The following PLCB4 variants were observed in gnomAD, a reference collection of about 807,000 sequenced individuals.
The protein encoded by PLCB4 is phospholipase C beta 4.
A neutral mutation model predicts 178.8 loss-of-function variants in PLCB4; 77 were observed. The observed-to-expected ratio is 0.43, with a 90% CI of 0.36 to 0.52. The LOEUF (loss-of-function observed/expected upper bound fraction) is 0.52, where lower values mean the gene tolerates loss of function less well. PLCB4 is among the 20% of genes least tolerant of loss of function. The probability of loss-of-function intolerance (pLI) is 0.00; values close to 1 mark genes in which losing one functional copy is unlikely to be tolerated. For synonymous variants in PLCB4, 496 were observed against 490.8 expected, an observed-to-expected ratio of 1.01 and a Z score of -0.14; for missense variants, 1,024 against 1,453.4, an observed-to-expected ratio of 0.70 and a Z score of 4.80.
intron 19 of PLCB4, among the ~76,000 whole-genome samples, chr20:9,399,036 C>G (rs2038827399): frequency 6.6e-6 from 1 of 152,098 alleles, no homozygotes; most frequent in Non-Finnish European, 1.5e-5. Context: ...GAATGAAAGT[C>G]AAAGATGTGA....
intron 3 of PLCB4, among the ~76,000 whole-genome samples, chr20:9,230,057 C>T (rs1462858056): frequency 6.6e-6 from 1 of 152,100 alleles, no homozygotes; most frequent in African/African-American, 2.4e-5. Flanking sequence ...AAGGTGTTGG[C>T]AGGTATAGTT....
rs1003127437 is a variant in PLCB4, at chr20:9,111,317, C to T, written c.-79+14975C>T. Among the ~76,000 whole-genome samples, 5 of 152,010 alleles carry T rather than the reference C, an allele frequency of 3.3e-5. No homozygotes were observed. The East Asian group carries it at 5.8e-4, about 18-fold the overall frequency. ...TCTTATTTGGTTTTTGTTTGTTTTA[C>T]GAAATTGAGATCTCATGCTTTTGTA... On this transcript the variant is annotated intron_variant, in intron 2 of 39. Coordinates refer to ENST00000378473, the MANE Select transcript of PLCB4 (RefSeq NM_001377142.1).
rs186569213 is a variant in PLCB4 at position 9,367,017 on chromosome 20, A to T, written c.503+1503A>T. On this transcript the variant is annotated intron_variant, in intron 9 of 39. Coordinates refer to ENST00000378473, the MANE Select transcript of PLCB4 (RefSeq NM_001377142.1). ...AGTGGCATGTGCTGTGGCTCCTGGC[A>T]TTTCTGACTCTCCTTTGCCTCCTTC... 1.3e-4 allele frequency among the ~76,000 whole-genome samples: 20 copies of T among 152,298 alleles called. 1 individual carries two copies. The highest frequency in any genetic ancestry group is 1.2e-3 in the Admixed American group (18 of 15,294).
intron 4 of PLCB4, among the ~76,000 whole-genome samples, chr20:9,312,161 A>G (rs988591159): frequency 3.3e-5 from 5 of 152,006 alleles, no homozygotes; most frequent in African/African-American, 1.2e-4. Context: ...GCAGGGGTTC[A>G]AATGTTTTAT....
intron 2 of PLCB4, among the ~76,000 whole-genome samples, chr20:9,167,467 C>T (rs2092991827): frequency 6.6e-6 from 1 of 152,028 alleles, no homozygotes. Context: ...CAACCATATT[C>T]AGATGGGTAA....
intron 3 of PLCB4, among the ~76,000 whole-genome samples, chr20:9,236,453 T>C (rs1019663013): frequency 3.3e-5 from 5 of 152,212 alleles, no homozygotes; most frequent in Non-Finnish European, 7.3e-5. Context: ...TGTGTTTTTT[T>C]GCAAATACGA....
chr20:9,422,390 A>T (rs1252778394), intron 27 of PLCB4, among the ~76,000 whole-genome samples: 1 of 152,182 alleles, frequency 6.6e-6, no homozygotes, highest in East Asian at 1.9e-4. Context: ...TTCGCATCCC[A>T]TTGTCTTCTT....
intron 2 of PLCB4, among the ~76,000 whole-genome samples, chr20:9,124,126 C>T (rs554485480): frequency 3.9e-5 from 6 of 152,152 alleles, no homozygotes; most frequent in Admixed American, 2.0e-4. Context: ...TGGGCTTTTG[C>T]AAAAGCAGGT....
At chr20:9,450,759 G>A (rs551139465) in intron 32 of PLCB4, among the ~76,000 whole-genome samples, 5 of 142,990 alleles carry the variant, frequency 3.5e-5, no homozygotes, top group Non-Finnish European at 6.0e-5. Context: ...AGCAATTCTC[G>A]TCCCTCAGCC....
intron 4 of PLCB4, among the ~76,000 whole-genome samples, chr20:9,332,959 A>G (rs2031910715): frequency 6.6e-6 from 1 of 152,126 alleles, no homozygotes; most frequent in Non-Finnish European, 1.5e-5. Context: ...ATGAGTTTGT[A>G]TGCATTACAA....
In PLCB4 at chr20:9,437,130, C is replaced by T. The variant is rs761158440; in HGVS notation, c.2742C>T (p.Ala914=). 1.2e-6 allele frequency: 2 copies of T among 1,614,018 alleles called. No homozygotes were observed. The highest frequency in any genetic ancestry group is 1.3e-5 in the African/African-American group (1 of 75,006). ...GACCAACCACCACGGCTGCCCTGGC[C>T]TCTGGTGTGGAAGCCAAGAAAGGTG... The part of the protein sequence containing the change: ...ELRPTTTAAL[A]SGVEAKKGIE... The change falls in exon 30 of 40, where the codon GCC becomes GCT. Residue 914 remains alanine, a synonymous_variant. Transcript: ENST00000378473.
intron 3 of PLCB4, among the ~76,000 whole-genome samples, chr20:9,267,095 C>T (rs1236291728): frequency 6.6e-6 from 1 of 152,138 alleles, no homozygotes; most frequent in Non-Finnish European, 1.5e-5. Flanking sequence ...AAAAATAACT[C>T]TTTTAATCAT....
At chr20:9,459,445 T>C (rs1297701812) in intron 34 of PLCB4, among the ~76,000 whole-genome samples, 190 bp from the exon 35 acceptor site, 1 of 152,238 alleles carries the variant, frequency 6.6e-6, no homozygotes, top group Non-Finnish European at 1.5e-5. Flanking sequence ...GCAATTGATT[T>C]ATTTTGATAA....
intron 2 of PLCB4, among the ~76,000 whole-genome samples, chr20:9,191,202 G>A (rs1476258019): frequency 6.6e-6 from 1 of 152,106 alleles, no homozygotes; most frequent in African/African-American, 2.4e-5. Flanking sequence ...CAGGGCTATG[G>A]TTTGAATGTG....
intron 1 of PLCB4, among the ~76,000 whole-genome samples, chr20:9,077,226 A>G (rs2089911695): frequency 6.6e-6 from 1 of 152,234 alleles, no homozygotes; most frequent in Non-Finnish European, 1.5e-5. Flanking sequence ...TTCTGTGGAC[A>G]CTATTGCAAA....
chr20:9,137,880 A>G (rs2092415178), intron 2 of PLCB4, among the ~76,000 whole-genome samples: 1 of 152,068 alleles, frequency 6.6e-6, no homozygotes, highest in South Asian at 2.1e-4. Flanking sequence ...CTTAAGTACC[A>G]TTAACTCAAT....
chr20:9,141,075 G>C (rs1008179350), intron 2 of PLCB4, among the ~76,000 whole-genome samples: 3 of 152,108 alleles, frequency 2.0e-5, no homozygotes, highest in Non-Finnish European at 2.9e-5. Context: ...TTGAAATGTA[G>C]CAAGAGTTCC....
intron 3 of PLCB4, among the ~76,000 whole-genome samples, chr20:9,232,924 A>C (rs1262260886): frequency 6.6e-6 from 1 of 152,136 alleles, no homozygotes; most frequent in Non-Finnish European, 1.5e-5. Context: ...TAATATGTTT[A>C]TTTGGGTTGA....
At chr20:9,088,003 G>A (rs538857642) in intron 1 of PLCB4, among the ~76,000 whole-genome samples, 30 of 152,194 alleles carry the variant, frequency 2.0e-4, no homozygotes, top group Non-Finnish European at 3.7e-4. Flanking sequence ...GACCCCGAGG[G>A]CACAGCCTGC....
Sources: allele counts gnomAD v4.1 joint callset (sites outside exome capture counted in the v4.1 genomes callset), GRCh38; gene constraint gnomAD v4.1.1; transcripts MANE v1.5; gene names NCBI Gene and HGNC (gene_info 2026-07-23, HGNC 2026-07-21).